COX7B2: variants seen among roughly 807,000 people sequenced by gnomAD.
COX7B2 encodes cytochrome c oxidase subunit 7B2, mitochondrial.
For synonymous variants in COX7B2, 37 were observed against 32.1 expected (o/e 1.15, Z -0.51); for missense variants, 109 against 95.9 (o/e 1.14, Z -0.57).
chr4:46,772,356 G>A (rs114866432), intron 2 of COX7B2, among the ~76,000 whole-genome samples: 327 of 152,232 alleles, frequency 2.1e-3, no homozygotes, highest in African/African-American at 7.5e-3. Flanking sequence ...ATAAGTTCTA[G>A]AAATCAAATG....
intron 1 of COX7B2, among the ~76,000 whole-genome samples, chr4:46,879,023 C>T (rs900248081): frequency 3.9e-5 from 6 of 152,214 alleles, no homozygotes; most frequent in African/African-American, 1.2e-4. Flanking sequence ...TCACTTGACA[C>T]TTTTCTGACT....
At chr4:46,815,208 T>C (rs1324023609) in intron 2 of COX7B2, among the ~76,000 whole-genome samples, 1 of 151,858 alleles carries the variant, frequency 6.6e-6, no homozygotes, top group Non-Finnish European at 1.5e-5. Context: ...AAAATGTCAC[T>C]TGAGAAGCAT....
At chr4:46,875,094 A>G (rs1209807681) in intron 1 of COX7B2, among the ~76,000 whole-genome samples, 2 of 152,098 alleles carry the variant, frequency 1.3e-5, no homozygotes, top group African/African-American at 4.8e-5. Context: ...GGTAACTGCT[A>G]CCCTACATAT....
At chr4:46,893,632 G>A (rs1261087376) in intron 1 of COX7B2, among the ~76,000 whole-genome samples, 1 of 152,126 alleles carries the variant, frequency 6.6e-6, no homozygotes, top group African/African-American at 2.4e-5. Context: ...TGGACAAGAA[G>A]CAATCTAAGT....
chr4:46,747,492 C>T (rs899990034), intron 2 of COX7B2, among the ~76,000 whole-genome samples: 9 of 151,600 alleles, frequency 5.9e-5, no homozygotes, highest in Admixed American at 1.3e-4. Flanking sequence ...TTAATAGAGA[C>T]GGGGTTTCAC....
chr4:46,863,613 C>T (rs886764553), intron 1 of COX7B2, among the ~76,000 whole-genome samples: 5 of 152,172 alleles, frequency 3.3e-5, no homozygotes, highest in Admixed American at 6.5e-5. Flanking sequence ...ATTCATATCT[C>T]ATATTCAACT....
chr4:46,855,972 G>A (rs531126472), intron 1 of COX7B2, among the ~76,000 whole-genome samples: 12 of 152,132 alleles, frequency 7.9e-5, no homozygotes, highest in East Asian at 1.9e-4. Flanking sequence ...GGCTGGGCGC[G>A]GTGGCTCACT....
chr4:46,794,992 G>T (rs1167778339), intron 2 of COX7B2, among the ~76,000 whole-genome samples: 1 of 151,028 alleles, frequency 6.6e-6, no homozygotes, highest in Non-Finnish European at 1.5e-5. Context: ...ATAAAGGAGA[G>T]TCTTCTTTTG....
At chr4:46,854,542 C>T (rs1716890885) in intron 1 of COX7B2, among the ~76,000 whole-genome samples, 1 of 152,212 alleles carries the variant, frequency 6.6e-6, no homozygotes, top group South Asian at 2.1e-4. Flanking sequence ...CTGTTCTACA[C>T]TGTAAATCCA....
chr4:46,804,269 C>A (rs552675447), intron 2 of COX7B2, among the ~76,000 whole-genome samples: 1 of 152,286 alleles, frequency 6.6e-6, no homozygotes, highest in South Asian at 2.1e-4. Flanking sequence ...GCAAGACTTA[C>A]CGCAAAGAGC....
intron 1 of COX7B2, among the ~76,000 whole-genome samples, chr4:46,894,806 C>T (rs964255852): frequency 2.6e-5 from 4 of 152,106 alleles, no homozygotes; most frequent in African/African-American, 9.6e-5. Flanking sequence ...AAAACAACCC[C>T]ATTAAAAAGT....
At chr4:46,840,575 T>G (rs1227180367) in intron 2 of COX7B2, among the ~76,000 whole-genome samples, 1 of 151,996 alleles carries the variant, frequency 6.6e-6, no homozygotes, top group Non-Finnish European at 1.5e-5. Context: ...ATAGTAGGCA[T>G]TTGATCTATC....
At chr4:46,844,543 G>C (rs1324823208) in intron 2 of COX7B2, among the ~76,000 whole-genome samples, 1 of 151,842 alleles carries the variant, frequency 6.6e-6, no homozygotes, top group Admixed American at 6.6e-5. Context: ...ATGATGGATG[G>C]CATATTTTAA....
chr4:46,782,776 G>C (rs1717550179), intron 2 of COX7B2, among the ~76,000 whole-genome samples: 1 of 152,134 alleles, frequency 6.6e-6, no homozygotes, highest in African/African-American at 2.4e-5. Context: ...TTTAAGAGCT[G>C]TAAGGCTCAC....
At chr4:46,885,109 T>G (rs1718997723) in intron 1 of COX7B2, among the ~76,000 whole-genome samples, 1 of 152,130 alleles carries the variant, frequency 6.6e-6, no homozygotes, top group African/African-American at 2.4e-5. Flanking sequence ...TTGCCACTAA[T>G]ATTGGTGTTT....
chr4:46,782,906 A>G (rs1170037625), intron 2 of COX7B2, among the ~76,000 whole-genome samples: 1 of 152,150 alleles, frequency 6.6e-6, no homozygotes, highest in Non-Finnish European at 1.5e-5. Flanking sequence ...ATCTTTAAGA[A>G]CTGTAACACT....
chr4:46,847,397 C>T (rs370896005), intron 1 of COX7B2, among the ~76,000 whole-genome samples: 1 of 151,988 alleles, frequency 6.6e-6, no homozygotes, highest in East Asian at 1.9e-4. Context: ...TAAGGCCCTC[C>T]CTCCTATAGC....
intron 1 of COX7B2, among the ~76,000 whole-genome samples, chr4:46,885,262 G>A (rs1311520652): frequency 2.6e-5 from 4 of 151,932 alleles, no homozygotes; most frequent in African/African-American, 9.7e-5. Context: ...ATACTTATTA[G>A]AAAATTATAT....
intron 1 of COX7B2, among the ~76,000 whole-genome samples, chr4:46,906,634 C>A (rs1720409392): frequency 6.6e-6 from 1 of 152,002 alleles, no homozygotes; most frequent in Non-Finnish European, 1.5e-5. Flanking sequence ...TAGTTTTTTT[C>A]TAACATACTC....
Sources: allele counts gnomAD v4.1 joint callset (sites outside exome capture counted in the v4.1 genomes callset), GRCh38; gene constraint gnomAD v4.1.1; transcripts MANE v1.5; gene names NCBI Gene and HGNC (gene_info 2026-07-23, HGNC 2026-07-21).